MAGI2: variants seen among roughly 807,000 people sequenced by gnomAD.
The protein encoded by MAGI2 is membrane associated guanylate kinase, WW and PDZ domain containing 2, also known as membrane-associated guanylate kinase, WW and PDZ domain-containing protein 2.
A neutral mutation model predicts 133.3 loss-of-function variants in MAGI2; 35 were observed. The observed-to-expected ratio is 0.26, with a 90% CI of 0.20 to 0.35. MAGI2 has a LOEUF of 0.35. Among genes scored for constraint, MAGI2 ranks in the 10% least tolerant of loss-of-function variants. The pLI is 1.00. For synonymous variants in MAGI2, 729 were observed against 710.6 expected, an observed-to-expected ratio of 1.03 and a Z score of -0.41; for missense variants, 1,636 against 1,863.4, an observed-to-expected ratio of 0.88 and a Z score of 2.25.
chr7:79,330,315 TCC>T (rs1839982726), intron 1 of MAGI2, among the ~76,000 whole-genome samples: 1 of 145,584 alleles, frequency 6.9e-6, no homozygotes, highest in South Asian at 2.3e-4. Flanking sequence ...TGCCTTAGCC[TCC>T]CAAATAGCTG....
chr7:78,534,325 G>A (rs1797706716), intron 3 of MAGI2, among the ~76,000 whole-genome samples: 1 of 152,136 alleles, frequency 6.6e-6, no homozygotes, highest in Non-Finnish European at 1.5e-5. Flanking sequence ...AAATATTTAT[G>A]GATAAATACA....
chr7:78,401,668 GTTCCTTCTCCTTCTT>G (rs1259333393), intron 6 of MAGI2, among the ~76,000 whole-genome samples: 1 of 152,018 alleles, frequency 6.6e-6, no homozygotes, highest in Non-Finnish European at 1.5e-5. Context: ...TGTGCTTATA[GTTCCTTCTCCTTCTT>G]TTAATGGGTA....
intron 6 of MAGI2, among the ~76,000 whole-genome samples, chr7:78,479,448 G>A (rs1325996794): frequency 6.6e-6 from 1 of 151,876 alleles, no homozygotes; most frequent in Non-Finnish European, 1.5e-5. Flanking sequence ...ATCCCTACTA[G>A]TAATAACAGG....
chr7:78,238,839 G>T (rs1790833400), intron 10 of MAGI2, among the ~76,000 whole-genome samples: 1 of 152,106 alleles, frequency 6.6e-6, no homozygotes, highest in African/African-American at 2.4e-5. Flanking sequence ...TCATTCAAAA[G>T]TGAAACCCAA....
At chr7:78,068,218 A>G (rs1441601377) in intron 21 of MAGI2, among the ~76,000 whole-genome samples, 1 of 152,198 alleles carries the variant, frequency 6.6e-6, no homozygotes, top group African/African-American at 2.4e-5. Context: ...TGCATGTGCC[A>G]TTCGCAGTAG....
At chr7:79,391,295 T>C (rs1222786606) in intron 1 of MAGI2, among the ~76,000 whole-genome samples, 1 of 151,622 alleles carries the variant, frequency 6.6e-6, no homozygotes, top group Non-Finnish European at 1.5e-5. Flanking sequence ...AAATGTAGAT[T>C]AATATAAGAA....
intron 1 of MAGI2, among the ~76,000 whole-genome samples, chr7:79,127,278 TA>T (rs1820505276): frequency 6.6e-6 from 1 of 152,194 alleles, no homozygotes. Flanking sequence ...CATGTGTCTT[TA>T]TAGCACATGA....
chr7:79,440,954 T>A (rs759989070), intron 1 of MAGI2, among the ~76,000 whole-genome samples: 5 of 152,210 alleles, frequency 3.3e-5, no homozygotes, highest in Admixed American at 6.5e-5. Flanking sequence ...GGAGCAACTT[T>A]CATAGGCAGA....
At chr7:78,425,475 G>A (rs1562975731) in intron 6 of MAGI2, among the ~76,000 whole-genome samples, 1 of 152,204 alleles carries the variant, frequency 6.6e-6, no homozygotes, top group African/African-American at 2.4e-5. Flanking sequence ...TTTACTTGAG[G>A]TCACAGAGAT....
intron 2 of MAGI2, among the ~76,000 whole-genome samples, chr7:78,631,359 C>G (rs953534892): frequency 3.9e-5 from 6 of 152,144 alleles, no homozygotes; most frequent in African/African-American, 7.2e-5. Context: ...TGTACTGTCT[C>G]TGATCCCAGC....
chr7:78,972,752 G>C (rs374352368), intron 2 of MAGI2, among the ~76,000 whole-genome samples: 1 of 151,922 alleles, frequency 6.6e-6, no homozygotes, highest in African/African-American at 2.4e-5. Flanking sequence ...TAGTGGTATT[G>C]TATAACCATA....
intron 6 of MAGI2, among the ~76,000 whole-genome samples, chr7:78,397,892 C>T (rs1463270312): frequency 6.6e-6 from 1 of 152,034 alleles, no homozygotes; most frequent in Non-Finnish European, 1.5e-5. Context: ...TTTTTCTGTC[C>T]TCTTTTATTT....
chr7:78,360,053 T>C (rs548854509), intron 7 of MAGI2, among the ~76,000 whole-genome samples: 17 of 152,344 alleles, frequency 1.1e-4, no homozygotes, highest in African/African-American at 3.6e-4. Context: ...AGTTCTCATG[T>C]GGGGATGAGG....
At chr7:79,056,670 A>C (rs2117032534) in intron 1 of MAGI2, among the ~76,000 whole-genome samples, 1 of 152,328 alleles carries the variant, frequency 6.6e-6, no homozygotes, top group East Asian at 1.9e-4. Context: ...TTTTCAGCTT[A>C]ATTATATTGG....
chr7:78,751,453 C>A (rs1823450488), intron 2 of MAGI2, among the ~76,000 whole-genome samples: 1 of 152,202 alleles, frequency 6.6e-6, no homozygotes. Flanking sequence ...GCAAACCTCA[C>A]ACGAATGACC....
At chr7:78,489,505 C>G (rs1234778771) in intron 6 of MAGI2, among the ~76,000 whole-genome samples, 1 of 152,020 alleles carries the variant, frequency 6.6e-6, no homozygotes, top group African/African-American at 2.4e-5. Flanking sequence ...GGTGGAAAGT[C>G]AGGCCAGGAG....
At chr7:79,420,301 T>A (rs1350380263) in intron 1 of MAGI2, among the ~76,000 whole-genome samples, 2 of 152,024 alleles carry the variant, frequency 1.3e-5, no homozygotes, top group Non-Finnish European at 2.9e-5. Flanking sequence ...TAAAACTAGA[T>A]GGATATTGCT....
Position 79,019,642 on chromosome 7 carries a change from TCAAA to T in MAGI2, c.302-12440_302-12437del, listed in dbSNP as rs1346962980. ...TCGCTTCCACTTCTGCATCCTGGGT[TCAAA>T]CAATTCTCCTGCCTCAGCCTCCCAA... On this transcript the variant is annotated intron_variant, in intron 1 of 21. Transcript: ENST00000354212. Among the ~76,000 whole-genome samples the T allele has an allele frequency of 4.6e-5, 7 of 152,208 alleles. No homozygotes were observed. In the East Asian group the frequency reaches 1.2e-3, roughly 25 times the overall value.
chr7:78,076,702 CG>C (rs1815342800), intron 21 of MAGI2, among the ~76,000 whole-genome samples: 1 of 148,756 alleles, frequency 6.7e-6, no homozygotes, highest in African/African-American at 2.5e-5. Context: ...AAAAATTAGC[CG>C]GGCGCGGTGG....
Sources: gnomAD v4.1 joint callset for allele counts (sites outside exome capture counted in the v4.1 genomes callset) on GRCh38, gnomAD v4.1.1 for gene constraint, MANE v1.5 for transcripts, NCBI Gene and HGNC (gene_info 2026-07-23, HGNC 2026-07-21) for gene names.